ZNF827: variants seen among roughly 807,000 people sequenced by gnomAD.
ZNF827 encodes the protein zinc finger protein 827.
A neutral mutation model predicts 102.4 loss-of-function variants in ZNF827; 13 were observed. The observed-to-expected ratio is 0.13, with a 90% CI of 0.08 to 0.20. The LOEUF is 0.20. ZNF827 is among the 10% of genes least tolerant of loss of function. The pLI, the probability that ZNF827 is intolerant of heterozygous loss-of-function variation, is 1.00. For synonymous variants in ZNF827, 523 were observed against 536.2 expected (o/e 0.98, Z 0.34); for missense variants, 1,103 against 1,344.4 (o/e 0.82, Z 2.81).
At position 145,902,817 on chromosome 4, in the gene ZNF827, C is replaced by A; in HGVS notation, c.442G>T (p.Val148Leu). Residue 148 changes from valine to leucine, a missense_variant, in exon 2 of 15, where the codon GTA becomes TTA. Transcript: ENST00000508784. The surrounding 1 kb of genome is among the most constrained non-coding windows in gnomAD (Gnocchi z 4.3). ...ATANGRVESP[V>L]NVGSNLSFSP... ...AAGGAGAGGTTCGAGCCAACGTTTA[C>A]GGGGGACTCCACTCTGCCATTAGCC... 1 of 1,614,076 alleles carries A rather than the reference C, an allele frequency of 6.2e-7. No homozygotes were observed. Among genetic ancestry groups the A allele is most frequent in the South Asian group, 1.1e-5 (1 of 91,076 alleles).
rs114982931 is a variant in ZNF827, at chr4:145,784,719, C to T, written c.2384-5208G>A. Among the ~76,000 whole-genome samples the T allele has an allele frequency of 3.1e-3, 475 of 152,294 alleles. 3 individuals are homozygous for T. Among genetic ancestry groups the T allele is most frequent in the African/African-American group, 0.011 (446 of 41,568 alleles). On this transcript the variant is annotated intron_variant, in intron 8 of 14. Transcript: ENST00000508784. ...CACAAAACAGCTTGGAATATGGGTA[C>T]TGTTTTTAAATTTTTGCTCTTCTTC...
intron 1 of ZNF827, among the ~76,000 whole-genome samples, chr4:145,928,940 G>A (rs966979402): frequency 3.3e-5 from 5 of 152,164 alleles, no homozygotes; most frequent in African/African-American, 7.2e-5. Flanking sequence ...AGCCGCCACC[G>A]ACTACAGCAG....
intron 8 of ZNF827, among the ~76,000 whole-genome samples, chr4:145,789,979 A>C (rs1016708127): frequency 7.2e-5 from 11 of 152,236 alleles, no homozygotes; most frequent in Non-Finnish European, 1.6e-4. Flanking sequence ...GAGCTGCTGC[A>C]TATGAAAAAT....
chr4:145,904,655 G>A (rs1245602271), intron 1 of ZNF827, among the ~76,000 whole-genome samples: 1 of 152,208 alleles, frequency 6.6e-6, no homozygotes, highest in African/African-American at 2.4e-5. Context: ...CAGTGCCATA[G>A]GAGGTCAGAG....
intron 8 of ZNF827, among the ~76,000 whole-genome samples, chr4:145,787,657 C>CT (rs1040992455): frequency 8.5e-5 from 13 of 152,072 alleles, no homozygotes; most frequent in African/African-American, 3.1e-4. Flanking sequence ...TGCACAGGCC[C>CT]TGGGAATATG....
chr4:145,759,547 G>C lies in ZNF827; in HGVS notation c.*2069C>G, dbSNP rs1332363448. On this transcript the variant is annotated 3_prime_UTR_variant, in exon 15 of 15. Coordinates refer to ENST00000508784, the MANE Select transcript of ZNF827 (RefSeq NM_001306215.2). ...GATCGGCAAAACACAATGGAAACTT[G>C]TCAGGGGCATAAACTGAACCATAGG... 1 of 152,220 alleles carries C rather than the reference G, an allele frequency of 6.6e-6. No homozygotes were observed. The highest frequency in any genetic ancestry group is 1.5e-5 in the Non-Finnish European group (1 of 68,036). 9.4% of individuals were successfully genotyped at this position (152,220 alleles called of 1,614,324 possible).
chr4:145,761,511 C>A lies in ZNF827; in HGVS notation c.*105G>T, dbSNP rs1317116839. ...GGTTGGCCTTCACCGTCTGGCAGAT[C>A]CGGCACTTGTACTCCATCTTGTAGT... On this transcript the variant is annotated 3_prime_UTR_variant, in exon 15 of 15. Transcript: ENST00000508784. The surrounding 1 kb of genome is among the most constrained non-coding windows in gnomAD (Gnocchi z 6.8). The A allele has an allele frequency of 8.5e-6, 11 of 1,289,784 alleles. No individual in the cohort carries two copies. The highest frequency in any genetic ancestry group is 1.1e-5 in the Non-Finnish European group (11 of 988,842). 79.9% of individuals were successfully genotyped at this position (1,289,784 alleles called of 1,614,324 possible).
At chr4:145,785,475 T>G (rs1331371549) in intron 8 of ZNF827, among the ~76,000 whole-genome samples, 1 of 152,166 alleles carries the variant, frequency 6.6e-6, no homozygotes, top group Non-Finnish European at 1.5e-5. Flanking sequence ...AGATCCAATT[T>G]GTTCATTTTC....
Position 145,760,860 on chromosome 4 carries a change from C to G in ZNF827, c.*756G>C. ...GTGAGGGGATGCTGGGAGGCGCAGT[C>G]TGAGGTCGGGGAGGGTGGAATGTGA... On this transcript the variant is annotated 3_prime_UTR_variant, in exon 15 of 15. Coordinates refer to ENST00000508784, the MANE Select transcript of ZNF827 (RefSeq NM_001306215.2). 8.2e-7 allele frequency: 1 copy of G among 1,216,534 alleles called. No homozygotes were observed. The highest frequency in any genetic ancestry group is 1.0e-6 in the Non-Finnish European group (1 of 954,390). The allele number at this position is 1,216,534 out of a possible 1,614,324, so 75.4% of individuals were successfully genotyped here.
intron 1 of ZNF827, among the ~76,000 whole-genome samples, chr4:145,923,070 A>G (rs1753189558): frequency 6.6e-6 from 1 of 152,222 alleles, no homozygotes; most frequent in Admixed American, 6.5e-5. Context: ...AATGTCCAAC[A>G]CAAGATGTTC....
At chr4:145,857,983 A>G (rs970396444) in intron 5 of ZNF827, among the ~76,000 whole-genome samples, 2 of 152,250 alleles carry the variant, frequency 1.3e-5, no homozygotes, top group African/African-American at 4.8e-5. Context: ...GAAAGGGTCA[A>G]TTAAAGTATC....
intron 5 of ZNF827, among the ~76,000 whole-genome samples, chr4:145,860,447 G>C (rs1227750265): frequency 6.6e-6 from 1 of 152,218 alleles, no homozygotes; most frequent in Non-Finnish European, 1.5e-5. Flanking sequence ...GAAAAGGATG[G>C]TAGTAGTAGG....
At chr4:145,923,853 C>CG (rs1301127616) in intron 1 of ZNF827, among the ~76,000 whole-genome samples, 3 of 152,148 alleles carry the variant, frequency 2.0e-5, no homozygotes, top group Non-Finnish European at 4.4e-5. Context: ...ACAATGCATA[C>CG]GCACAAAAGG....
intron 13 of ZNF827, 171 bp downstream of exon 13, chr4:145,764,817 C>T: frequency 1.2e-6 from 1 of 808,452 alleles, no homozygotes. Context: ...CCTAGGGGGA[C>T]AGGTCTAATT....
chr4:145,933,263 A>C (rs1040992606), intron 1 of ZNF827, among the ~76,000 whole-genome samples: 5 of 152,174 alleles, frequency 3.3e-5, no homozygotes, highest in Admixed American at 6.5e-5. Context: ...ATCCAGCATC[A>C]ATCTAGACTG....
chr4:145,812,531 A>C (rs1742130375), intron 8 of ZNF827, among the ~76,000 whole-genome samples: 1 of 148,922 alleles, frequency 6.7e-6, no homozygotes, highest in Non-Finnish European at 1.5e-5. Flanking sequence ...TTATTTATTT[A>C]TTTATTTATT....
chr4:145,889,129 T>C (rs1750381562), intron 3 of ZNF827, among the ~76,000 whole-genome samples: 2 of 152,220 alleles, frequency 1.3e-5, no homozygotes, highest in African/African-American at 4.8e-5. Context: ...TTTATATTCC[T>C]TTGTTTATCA....
In ZNF827 at chr4:145,759,776, A is replaced by G. The variant is rs1339459627; in HGVS notation, c.*1840T>C. The G allele has an allele frequency of 6.6e-6, 1 of 151,988 alleles. No homozygotes were observed. Among genetic ancestry groups the G allele is most frequent in the Non-Finnish European group, 1.5e-5 (1 of 68,010 alleles). 9.4% of individuals were successfully genotyped at this position (151,988 alleles called of 1,614,324 possible). A position where few individuals can be genotyped will look rare whatever the true frequency, so the allele number is the denominator to read the frequency against. On this transcript the variant is annotated 3_prime_UTR_variant, in exon 15 of 15. Transcript: ENST00000508784. ...TTTCTTTTTTTTAGTCTGAGCATTTATACCCAGAATTTATCCAAACCCCTT... is the reference window on the plus strand; with the variant it reads ...TTTCTTTTTTTTAGTCTGAGCATTTGTACCCAGAATTTATCCAAACCCCTT...
chr4:145,804,988 C>A (rs1741265447), intron 8 of ZNF827, among the ~76,000 whole-genome samples: 1 of 152,168 alleles, frequency 6.6e-6, no homozygotes, highest in African/African-American at 2.4e-5. Flanking sequence ...TCTTCAATGG[C>A]AGTACTGGCA....
Sources: allele counts gnomAD v4.1 joint callset (sites outside exome capture counted in the v4.1 genomes callset), GRCh38; gene constraint gnomAD v4.1.1; non-coding constraint Gnocchi (gnomAD v3.1); transcripts MANE v1.5; gene names NCBI Gene and HGNC (gene_info 2026-07-23, HGNC 2026-07-21).